The following TRIM4 variants were observed in gnomAD, a reference collection of about 807,000 sequenced individuals.
TRIM4 encodes the protein tripartite motif containing 4.
Under a neutral mutation model 33.7 loss-of-function variants are expected in TRIM4, and 29 were observed. The observed-to-expected ratio is 0.86, with a 90% CI of 0.64 to 1.17. The LOEUF (loss-of-function observed/expected upper bound fraction) is 1.17, where lower values mean the gene tolerates loss of function less well. TRIM4 is among the 50% of genes most tolerant of loss of function. TRIM4 has a pLI of 0.00. For synonymous variants in TRIM4, 224 were observed against 233.0 expected, an observed-to-expected ratio of 0.96 and a Z score of 0.35; for missense variants, 554 against 593.7, an observed-to-expected ratio of 0.93 and a Z score of 0.69.
chr7:99,916,707 G>C (rs775007844), intron 1 of TRIM4: 1 of 780,828 alleles, frequency 1.3e-6, no homozygotes. Context: ...ATTACCTCCT[G>C]CTTAAAATGG....
chr7:99,909,747 T>A, intron 1 of TRIM4, 87 bp from the exon 2 acceptor site: 1 of 1,175,016 alleles, frequency 8.5e-7, no homozygotes, highest in Non-Finnish European at 1.2e-6. Context: ...TTTTTTTTTT[T>A]TTTGAGACAA....
chr7:99,895,661 G>C (rs568613435), intron 5 of TRIM4, among the ~76,000 whole-genome samples: 2 of 152,194 alleles, frequency 1.3e-5, no homozygotes, highest in Non-Finnish European at 2.9e-5. Flanking sequence ...ACGTAATTGT[G>C]AATTTGTGTA....
chr7:99,916,418 C>G (rs1280733297), intron 1 of TRIM4, among the ~76,000 whole-genome samples: 4 of 152,188 alleles, frequency 2.6e-5, no homozygotes, highest in Non-Finnish European at 5.9e-5. Context: ...ACCTCCTGTC[C>G]CTCTTCCTTG....
rs185217391 is a variant in TRIM4 at position 99,890,647 on chromosome 7, C to G, written c.*1516G>C. On this transcript the variant is annotated 3_prime_UTR_variant, in exon 6 of 6. Transcript: ENST00000349062. ...GAAAACCAAACATCACATGTTCTCA[C>G]GTATAAGGGAGAGCTAAACATTGAG... 6.6e-6 allele frequency: 1 copy of G among 152,150 alleles called. No individual in the cohort carries two copies. Among genetic ancestry groups the G allele is most frequent in the Admixed American group, 6.5e-5 (1 of 15,286 alleles). 9.4% of individuals were successfully genotyped at this position (152,150 alleles called of 1,614,324 possible).
intron 5 of TRIM4, among the ~76,000 whole-genome samples, chr7:99,893,318 C>T (rs1215615625): frequency 1.3e-5 from 2 of 151,154 alleles, no homozygotes; most frequent in Non-Finnish European, 1.5e-5. Context: ...TATTTCATGC[C>T]CCAAGTTTTC....
chr7:99,913,694 T>A (rs1819494326), intron 1 of TRIM4, among the ~76,000 whole-genome samples: 1 of 151,746 alleles, frequency 6.6e-6, no homozygotes, highest in African/African-American at 2.4e-5. Flanking sequence ...AATAAATAAA[T>A]AAAAATAATA....
chr7:99,908,960 CTTTA>C, intron 2 of TRIM4, 148 bp from the exon 3 acceptor site: 1 of 651,654 alleles, frequency 1.5e-6, no homozygotes, highest in Non-Finnish European at 2.6e-6. Flanking sequence ...TCCATTACTC[CTTTA>C]TTTATACCTA....
intron 1 of TRIM4, chr7:99,917,811 T>C (rs1819589428): frequency 7.1e-6 from 7 of 983,984 alleles, no homozygotes; most frequent in Non-Finnish European, 8.4e-6. Context: ...AGTTACACCA[T>C]CAGTAATGGG....
intron 1 of TRIM4, among the ~76,000 whole-genome samples, chr7:99,910,481 T>C (rs1819414079): frequency 6.6e-6 from 1 of 152,200 alleles, no homozygotes; most frequent in African/African-American, 2.4e-5. Flanking sequence ...TATATTGACA[T>C]GAAATACACA....
rs1475741739 is a variant in TRIM4, at chr7:99,895,460, C to T, written c.842-2714G>A. On this transcript the variant is annotated intron_variant, in intron 5 of 5. Transcript: ENST00000349062. ...TCCTTTGAATTTGACACTTGCTTTA[C>T]AGCCAGCTTAGTCTATCTTGGAAAA... is the stretch of plus-strand genomic sequence containing the variant. Among the ~76,000 whole-genome samples the T allele has an allele frequency of 2.0e-5, 3 of 152,128 alleles. No homozygotes were observed. In the South Asian group the frequency reaches 6.2e-4, roughly 32 times the overall value.
intron 5 of TRIM4, among the ~76,000 whole-genome samples, chr7:99,899,191 C>T (rs1399330039): frequency 1.3e-5 from 2 of 152,152 alleles, no homozygotes; most frequent in Non-Finnish European, 2.9e-5. Context: ...AGTGGCCAAC[C>T]CAGAAATGCA....
chr7:99,916,531 GAC>G (rs1447535583), intron 1 of TRIM4, among the ~76,000 whole-genome samples: 1 of 152,082 alleles, frequency 6.6e-6, no homozygotes, highest in Non-Finnish European at 1.5e-5. Flanking sequence ...CAGTTAACCT[GAC>G]AGTCATCTAC....
chr7:99,907,898 C>T (rs1819344980), intron 3 of TRIM4, among the ~76,000 whole-genome samples: 1 of 152,070 alleles, frequency 6.6e-6, no homozygotes, highest in African/African-American at 2.4e-5. Context: ...ATCCGATACT[C>T]AACATGAATT....
chr7:99,918,874 C>T (rs559661882), intron 1 of TRIM4, 135 bp downstream of exon 1: 2 of 1,196,334 alleles, frequency 1.7e-6, no homozygotes, highest in Non-Finnish European at 2.2e-6. Context: ...TTTTGCTTAA[C>T]TTCTTTGAGT....
At chr7:99,903,371 A>T (rs570597683) in intron 4 of TRIM4, 56 bp from the exon 5 acceptor site, 5 of 1,430,890 alleles carry the variant, frequency 3.5e-6, no homozygotes, top group Non-Finnish European at 4.9e-6. Context: ...CAAGACCTCC[A>T]CTCCCGGTCA....
At chr7:99,900,482 T>C (rs1177782608) in intron 5 of TRIM4, among the ~76,000 whole-genome samples, 1 of 152,206 alleles carries the variant, frequency 6.6e-6, no homozygotes, top group Non-Finnish European at 1.5e-5. Context: ...CGCAATTCCT[T>C]TTTAAAGGAA....
At position 99,919,380 on chromosome 7, in the gene TRIM4, C is replaced by T. The variant is rs1819639386; in HGVS notation, c.22G>A (p.Glu8Lys). 3 of 1,571,670 alleles carry T rather than the reference C, an allele frequency of 1.9e-6. No homozygotes were observed. Among genetic ancestry groups the T allele is most frequent in the Non-Finnish European group, 2.6e-6 (3 of 1,161,084 alleles). MEAEDIQ[E>K]ELTCPICLDY... is the part of the protein sequence containing the mutation. ...AGGCAGATGGGGCAGGTCAACTCCT[C>T]CTGGATGTCCTCAGCTTCCATGCTG... The change falls in exon 1 of 6, where the codon GAG becomes AAG. Residue 8 changes from glutamate to lysine, a missense_variant. Physicochemically the swap from Glu to Lys is moderately conservative, Grantham distance 56. Transcript: ENST00000349062.
chr7:99,916,006 A>C (rs1819547996), intron 1 of TRIM4, among the ~76,000 whole-genome samples: 1 of 152,214 alleles, frequency 6.6e-6, no homozygotes, highest in Non-Finnish European at 1.5e-5. Context: ...CATCTTCAAA[A>C]AGGGAATAAC....
At chr7:99,904,674 A>AT (rs1563085894) in intron 3 of TRIM4, among the ~76,000 whole-genome samples, 4 of 152,146 alleles carry the variant, frequency 2.6e-5, no homozygotes, top group African/African-American at 9.7e-5. Flanking sequence ...TAAATTGTTC[A>AT]TTTTTTTAAA....
Sources: gnomAD v4.1 joint callset for allele counts (sites outside exome capture counted in the v4.1 genomes callset) on GRCh38, gnomAD v4.1.1 for gene constraint, MANE v1.5 for transcripts, NCBI Gene and HGNC (gene_info 2026-07-23, HGNC 2026-07-21) for gene names.